The following C5orf63 variants were observed in gnomAD, a reference collection of about 807,000 sequenced individuals.
C5orf63 encodes chromosome 5 open reading frame 63.
C5orf63 carries 18 observed loss-of-function variants against 13.3 expected under a neutral mutation model. That is an observed-to-expected ratio of 1.36 (90% CI 0.94 to 2.01). C5orf63 has a LOEUF of 2.01. C5orf63 is among the 30% of genes most tolerant of loss of function. The pLI is 0.00. For synonymous variants in C5orf63, 38 were observed against 44.7 expected (o/e 0.85, Z 0.60); for missense variants, 118 against 127.7 (o/e 0.92, Z 0.36).
At chr5:127,061,403 G>T (rs538583943) in intron 2 of C5orf63, among the ~76,000 whole-genome samples, 1 of 152,268 alleles carries the variant, frequency 6.6e-6, no homozygotes, top group Non-Finnish European at 1.5e-5. Context: ...TGAAAACAAT[G>T]ATTATTCCCT....
chr5:127,067,296 GAT>G (rs1257226962), intron 2 of C5orf63, among the ~76,000 whole-genome samples: 1 of 152,112 alleles, frequency 6.6e-6, no homozygotes, highest in African/African-American at 2.4e-5. Context: ...AAAAGTAAGA[GAT>G]CACTATTAAT....
downstream of C5orf63, among the ~76,000 whole-genome samples, chr5:127,049,532 T>G (rs1417222017): frequency 1.3e-5 from 2 of 152,224 alleles, no homozygotes; most frequent in African/African-American, 4.8e-5. Flanking sequence ...CCAGCCCTCA[T>G]TGCACTATGC....
chr5:127,049,953 T>A (rs990046683), downstream of C5orf63, among the ~76,000 whole-genome samples: 12 of 152,200 alleles, frequency 7.9e-5, no homozygotes, highest in South Asian at 6.2e-4. Context: ...GGCCGAGAAT[T>A]ACTCAGTTCC....
At chr5:127,063,133 C>T (rs1754172279) in intron 2 of C5orf63, among the ~76,000 whole-genome samples, 1 of 152,164 alleles carries the variant, frequency 6.6e-6, no homozygotes, top group African/African-American at 2.4e-5. Context: ...GCATGGATCA[C>T]CCTGAAAGAG....
intron 2 of C5orf63, among the ~76,000 whole-genome samples, chr5:127,066,163 A>G (rs775159381): frequency 1.3e-5 from 2 of 152,180 alleles, no homozygotes; most frequent in African/African-American, 2.4e-5. Flanking sequence ...AGCAGAGTAC[A>G]CCAAGGAAAA....
Position 127,051,683 on chromosome 5 carries a change from C to CAA in C5orf63, c.*86_*87dup. On this transcript the variant is annotated 3_prime_UTR_variant, in exon 5 of 5. Coordinates refer to ENST00000296662, the MANE Select transcript of C5orf63 (RefSeq NM_001164478.2). Reference sequence around the variant, plus strand: ...TTCAGAACATCCTTAGGGCTCTGTACAAGTGACAAAATGAGTATCAGGCCA... The same window carrying CAA: ...TTCAGAACATCCTTAGGGCTCTGTACAAAAGTGACAAAATGAGTATCAGGCCA... 3 of 1,403,564 alleles carry CAA rather than the reference C, an allele frequency of 2.1e-6. No homozygotes were observed. Among genetic ancestry groups the CAA allele is most frequent in the Non-Finnish European group, 1.8e-6 (2 of 1,083,086 alleles). The allele number at this position is 1,403,564 out of a possible 1,614,324, so 86.9% of individuals were successfully genotyped here. A position where few individuals can be genotyped will look rare whatever the true frequency, so the allele number is the denominator to read the frequency against.
chr5:127,054,399 T>C (rs1753799417), intron 3 of C5orf63, among the ~76,000 whole-genome samples: 1 of 152,172 alleles, frequency 6.6e-6, no homozygotes, highest in African/African-American at 2.4e-5. Flanking sequence ...CAGCACCTGT[T>C]GTTTCCTGCC....
chr5:127,051,688 GA>G lies in C5orf63; in HGVS notation c.*82del, dbSNP rs1190496083. 3 of 1,405,924 alleles carry G rather than the reference GA, an allele frequency of 2.1e-6. No homozygotes were observed. The highest frequency in any genetic ancestry group is 1.8e-6 in the Non-Finnish European group (2 of 1,084,368). The allele number at this position is 1,405,924 out of a possible 1,614,324, so 87.1% of individuals were successfully genotyped here. A position where few individuals can be genotyped will look rare whatever the true frequency, so the allele number is the denominator to read the frequency against. On this transcript the variant is annotated 3_prime_UTR_variant, in exon 5 of 5. Coordinates refer to ENST00000296662, the MANE Select transcript of C5orf63 (RefSeq NM_001164478.2). ...AACATCCTTAGGGCTCTGTACAAGT[GA>G]CAAAATGAGTATCAGGCCATGGTCA...
At chr5:127,063,011 A>G (rs1413328417) in intron 2 of C5orf63, among the ~76,000 whole-genome samples, 1 of 152,140 alleles carries the variant, frequency 6.6e-6, no homozygotes, top group Non-Finnish European at 1.5e-5. Context: ...CAGACTTAAA[A>G]AAAAAAAAGC....
At chr5:127,065,098 AG>A (rs542201253) in intron 2 of C5orf63, among the ~76,000 whole-genome samples, 15 of 152,352 alleles carry the variant, frequency 9.8e-5, no homozygotes, top group African/African-American at 3.4e-4. Flanking sequence ...AAGAATAACA[AG>A]ATGTATTTCA....
intron 2 of C5orf63, among the ~76,000 whole-genome samples, chr5:127,059,872 G>A (rs762972389): frequency 5.3e-5 from 8 of 152,048 alleles, no homozygotes; most frequent in Non-Finnish European, 8.8e-5. Flanking sequence ...CTGGCCAGGC[G>A]TGGTGGCTCA....
intron 3 of C5orf63, 86 bp downstream of exon 3, chr5:127,058,796 T>C (rs1176138184): frequency 1.2e-6 from 1 of 842,552 alleles, no homozygotes; most frequent in Non-Finnish European, 1.9e-6. Context: ...AGAAAGCTTA[T>C]TCCATTGCCT....
chr5:127,057,980 T>C (rs1382456634), intron 3 of C5orf63, among the ~76,000 whole-genome samples: 2 of 152,224 alleles, frequency 1.3e-5, no homozygotes, highest in African/African-American at 4.8e-5. Flanking sequence ...ACAAGTGCTA[T>C]TGGCTGTGAG....
At chr5:127,064,998 T>C (rs907228866) in intron 2 of C5orf63, among the ~76,000 whole-genome samples, 8 of 152,168 alleles carry the variant, frequency 5.3e-5, no homozygotes, top group African/African-American at 1.9e-4. Flanking sequence ...ATTTTTTTTT[T>C]GTATCCTGCC....
At chr5:127,065,425 A>G (rs541189775) in intron 2 of C5orf63, among the ~76,000 whole-genome samples, 4 of 152,362 alleles carry the variant, frequency 2.6e-5, no homozygotes, top group African/African-American at 9.6e-5. Flanking sequence ...CACAAGAGAA[A>G]TATCTTAAAT....
At chr5:127,066,688 C>T (rs911211115) in intron 2 of C5orf63, among the ~76,000 whole-genome samples, 1 of 151,716 alleles carries the variant, frequency 6.6e-6, no homozygotes, top group African/African-American at 2.4e-5. Context: ...GAAAAAAATC[C>T]GGGTCTAAAG....
chr5:127,058,318 T>C (rs912376489), intron 3 of C5orf63, among the ~76,000 whole-genome samples: 1 of 152,240 alleles, frequency 6.6e-6, no homozygotes, highest in Admixed American at 6.5e-5. Flanking sequence ...TGTGTTAATT[T>C]GCTCAGGATA....
chr5:127,061,497 T>C (rs1754104713), intron 2 of C5orf63, among the ~76,000 whole-genome samples: 1 of 152,190 alleles, frequency 6.6e-6, no homozygotes, highest in African/African-American at 2.4e-5. Context: ...AAAAGGAATA[T>C]GATGAGAATT....
intron 3 of C5orf63, among the ~76,000 whole-genome samples, chr5:127,057,981 T>C (rs1753953063): frequency 6.6e-6 from 1 of 152,208 alleles, no homozygotes; most frequent in South Asian, 2.1e-4. Context: ...CAAGTGCTAT[T>C]GGCTGTGAGT....
Sources: gnomAD v4.1 joint callset for allele counts (sites outside exome capture counted in the v4.1 genomes callset) on GRCh38, gnomAD v4.1.1 for gene constraint, MANE v1.5 for transcripts, NCBI Gene and HGNC (gene_info 2026-07-23, HGNC 2026-07-21) for gene names.